The following CDH4 variants were observed in gnomAD, a reference collection of about 807,000 sequenced individuals.
CDH4 encodes cadherin 4.
In CDH4, 33 loss-of-function variants were observed where a neutral mutation model predicts 86.0. The ratio of observed to expected loss-of-function variants is 0.38; its 90% confidence interval spans 0.29 to 0.51. The LOEUF is 0.51. Ranked by LOEUF, CDH4 falls within the 20% of genes least tolerant of loss-of-function variation. CDH4 has a pLI of 0.86. For missense variants in CDH4, 1,114 were observed against 1,307.4 expected (o/e 0.85, Z 2.28); for synonymous variants, 555 against 549.4 (o/e 1.01, Z -0.14).
At chr20:61,303,812 CG>C (rs1378405120) in intron 2 of CDH4, among the ~76,000 whole-genome samples, 6 of 152,228 alleles carry the variant, frequency 3.9e-5, no homozygotes, top group Non-Finnish European at 7.3e-5. Context: ...GAGGAGCCCA[CG>C]GAAGTCCAGT....
intron 2 of CDH4, among the ~76,000 whole-genome samples, chr20:61,705,605 A>T (rs2087820950): frequency 6.6e-6 from 1 of 151,524 alleles, no homozygotes; most frequent in South Asian, 2.1e-4. Context: ...AGCCACCCTC[A>T]TGGGACTTCC....
At position 61,923,119 on chromosome 20, in the gene CDH4, C is replaced by T. The variant is rs571448284; in HGVS notation, c.1375-332C>T. On this transcript the variant is annotated intron_variant, in intron 9 of 15. Transcript: ENST00000614565. The stretch of plus-strand genomic sequence containing the variant: ...TAGGCTCAAAGGAGGAAGGTAGGGA[C>T]GGGGTTACCAGGCCAGGAAGAGGGG... Among the ~76,000 whole-genome samples the T allele has an allele frequency of 1.4e-4, 22 of 152,328 alleles. No homozygotes were observed. The South Asian group carries it at 1.7e-3, about 11-fold the overall frequency.
At position 61,754,632 on chromosome 20, in the gene CDH4, ACACACACGCCCCACACACCACACG is replaced by A. The variant is rs984388713; in HGVS notation, c.396+10856_396+10879del. 1.4e-4 allele frequency among the ~76,000 whole-genome samples: 21 copies of A among 148,522 alleles called. No individual in the cohort carries two copies. The highest frequency in any genetic ancestry group is 4.5e-4 in the African/African-American group (17 of 38,156). The stretch of plus-strand genomic sequence containing the variant: ...ACACGGTGCACGGCACACACACCAC[ACACACACGCCCCACACACCACACG>A]CACACACGCCCCGCACACACTATGC... On this transcript the variant is annotated intron_variant, in intron 3 of 15. Transcript: ENST00000614565. The surrounding 1 kb of genome is among the most constrained non-coding windows in gnomAD (Gnocchi z 4.7).
At position 61,837,484 on chromosome 20, in the gene CDH4, C is replaced by T. The variant is rs533961046; in HGVS notation, c.577-7184C>T. Among the ~76,000 whole-genome samples the T allele has an allele frequency of 5.3e-5, 8 of 152,342 alleles. No homozygotes were observed. The East Asian group carries it at 9.7e-4, about 18-fold the overall frequency. The stretch of plus-strand genomic sequence containing the variant: ...CCTCAGCTTCTCTGGGCCTCAGTCC[C>T]TCCATCTTCAGAATGGGCTCTGTGA... On this transcript the variant is annotated intron_variant, in intron 4 of 15. Coordinates refer to ENST00000614565, the MANE Select transcript of CDH4 (RefSeq NM_001794.5).
chr20:61,352,281 A>G (rs1231195841), intron 2 of CDH4, among the ~76,000 whole-genome samples: 1 of 152,218 alleles, frequency 6.6e-6, no homozygotes, highest in Non-Finnish European at 1.5e-5. Flanking sequence ...AAAATTTAAT[A>G]TATATTGAAA....
At chr20:61,476,634 C>G (rs990051734) in intron 2 of CDH4, among the ~76,000 whole-genome samples, 1 of 152,210 alleles carries the variant, frequency 6.6e-6, no homozygotes, top group African/African-American at 2.4e-5. Flanking sequence ...GCTGCTCGCC[C>G]CACCTTCAGT....
At position 61,338,047 on chromosome 20, in the gene CDH4, G is replaced by A. The variant is rs968547526; in HGVS notation, c.169+83110G>A. 9.2e-5 allele frequency among the ~76,000 whole-genome samples: 14 copies of A among 152,140 alleles called. 1 individual carries two copies. Among genetic ancestry groups the A allele is most frequent in the Admixed American group, 7.2e-4 (11 of 15,280 alleles). On this transcript the variant is annotated intron_variant, in intron 2 of 15. Transcript: ENST00000614565. ...TTGCAATGTTTTAGTCACAAGGATG[G>A]GTGGTAGGACTTGCAGAGAATCCAG...
chr20:61,605,886 G>GAAA (rs529210946), intron 2 of CDH4, among the ~76,000 whole-genome samples: 2 of 125,998 alleles, frequency 1.6e-5, no homozygotes, highest in Non-Finnish European at 3.4e-5. Flanking sequence ...GGCTGTGGAG[G>GAAA]AAAAAAAAAA....
intron 6 of CDH4, among the ~76,000 whole-genome samples, chr20:61,857,965 C>G (rs1301933543): frequency 6.8e-6 from 1 of 147,884 alleles, no homozygotes; most frequent in Non-Finnish European, 1.5e-5. Flanking sequence ...GTGTGTGTCT[C>G]TGTGTGTCTC....
At chr20:61,885,339 ATCT>A (rs528315969) in intron 7 of CDH4, among the ~76,000 whole-genome samples, 5 of 152,080 alleles carry the variant, frequency 3.3e-5, no homozygotes, top group East Asian at 1.9e-4. Context: ...GCAGCCCCAA[ATCT>A]TCTTTCTGCT....
In CDH4 at chr20:61,358,162, G is replaced by A. The variant is rs74864165; in HGVS notation, c.169+103225G>A. Among the ~76,000 whole-genome samples the A allele has an allele frequency of 3.9e-3, 597 of 152,270 alleles. 3 individuals are homozygous for A. Among genetic ancestry groups the A allele is most frequent in the African/African-American group, 0.011 (471 of 41,552 alleles). Reference sequence around the variant, plus strand: ...GAGAGATTCCTGTGAGCAAACCCCCGGGACGTGCTTCCTGCACAGAAACCT... The same window carrying A: ...GAGAGATTCCTGTGAGCAAACCCCCAGGACGTGCTTCCTGCACAGAAACCT... On this transcript the variant is annotated intron_variant, in intron 2 of 15. Coordinates refer to ENST00000614565, the MANE Select transcript of CDH4 (RefSeq NM_001794.5).
At chr20:61,287,783 G>A (rs1395016001) in intron 2 of CDH4, among the ~76,000 whole-genome samples, 3 of 152,284 alleles carry the variant, frequency 2.0e-5, no homozygotes, top group African/African-American at 2.4e-5. Context: ...AGGCTTGTGC[G>A]TGAGTCCCGC....
chr20:61,706,256 C>T (rs1018056627), intron 2 of CDH4, among the ~76,000 whole-genome samples: 2 of 152,200 alleles, frequency 1.3e-5, no homozygotes, highest in South Asian at 2.1e-4. Flanking sequence ...TTCCCCTAAG[C>T]GACTTGGGCA....
intron 2 of CDH4, among the ~76,000 whole-genome samples, chr20:61,405,697 ATT>A (rs543828715): frequency 4.1e-5 from 6 of 145,678 alleles, no homozygotes; most frequent in African/African-American, 7.5e-5. Context: ...TGTATCTATA[ATT>A]TTTTTTTTTT....
rs565685507 is a variant in CDH4 at position 61,558,031 on chromosome 20, T to C, written c.170-185532T>C. 7.2e-5 allele frequency among the ~76,000 whole-genome samples: 11 copies of C among 152,316 alleles called. No homozygotes were observed. The South Asian group carries it at 1.5e-3, about 20-fold the overall frequency. ...TTGCCAGTTGGAATGAGAACAGTTA[T>C]GTTTTCAAGCTCGAGTTTTGGTGGA... On this transcript the variant is annotated intron_variant, in intron 2 of 15. Coordinates refer to ENST00000614565, the MANE Select transcript of CDH4 (RefSeq NM_001794.5).
intron 4 of CDH4, among the ~76,000 whole-genome samples, chr20:61,790,118 C>T (rs1979091629): frequency 1.3e-5 from 2 of 152,010 alleles, no homozygotes; most frequent in Admixed American, 1.3e-4. Flanking sequence ...CCCATCCATT[C>T]ATCCATCCAT....
chr20:61,538,749 A>G (rs999035368), intron 2 of CDH4, among the ~76,000 whole-genome samples: 2 of 152,172 alleles, frequency 1.3e-5, no homozygotes, highest in Admixed American at 1.3e-4. Flanking sequence ...GGCCTGGGTC[A>G]CATCGTGATT....
At chr20:61,566,004 T>A (rs1426385395) in intron 2 of CDH4, among the ~76,000 whole-genome samples, 1 of 152,140 alleles carries the variant, frequency 6.6e-6, no homozygotes, top group East Asian at 1.9e-4. Flanking sequence ...ATCAAGTGCC[T>A]GCCACCGACA....
rs762171099 is a variant in CDH4, at chr20:61,936,812, G to A, written c.2620G>A (p.Gly874Ser). Residue 874 changes from glycine to serine, a missense_variant, in exon 16 of 16, where the codon GGC (glycine) becomes AGC (serine). By Grantham distance (56) the Gly-to-Ser change is moderately conservative. Transcript: ENST00000614565. ...SLLVFDYEGS[G>S]STAGSVSSLN... ...GCTGGTCTTCGACTACGAGGGGAGCGGCTCCACCGCAGGCTCCGTCAGCTC... is the reference window on the plus strand; with the variant it reads ...GCTGGTCTTCGACTACGAGGGGAGCAGCTCCACCGCAGGCTCCGTCAGCTC... The A allele has an allele frequency of 2.3e-5, 37 of 1,610,606 alleles. No homozygotes were observed. Among genetic ancestry groups the A allele is most frequent in the East Asian group, 1.4e-4 (6 of 44,420 alleles).
Sources: allele counts gnomAD v4.1 joint callset (sites outside exome capture counted in the v4.1 genomes callset), GRCh38; gene constraint gnomAD v4.1.1; non-coding constraint Gnocchi (gnomAD v3.1); transcripts MANE v1.5; gene names NCBI Gene and HGNC (gene_info 2026-07-23, HGNC 2026-07-21).